RBFOX1: variants seen among roughly 807,000 people sequenced by gnomAD.
RBFOX1 encodes the protein RNA binding protein fox-1 homolog 1.
In RBFOX1, 8 loss-of-function variants were observed where a neutral mutation model predicts 57.7. The observed-to-expected ratio is 0.14, with a 90% CI of 0.08 to 0.25. RBFOX1 has a LOEUF of 0.25. Ranked by LOEUF, RBFOX1 falls within the 10% of genes least tolerant of loss-of-function variation. The pLI, the probability that RBFOX1 is intolerant of heterozygous loss-of-function variation, is 1.00. For synonymous variants in RBFOX1, 326 were observed against 222.4 expected (o/e 1.47, Z -4.15); for missense variants, 611 against 548.5 (o/e 1.11, Z -1.14).
intron 1 of RBFOX1, among the ~76,000 whole-genome samples, chr16:5,417,405 A>C (rs2067189978): frequency 6.6e-6 from 1 of 152,224 alleles, no homozygotes; most frequent in African/African-American, 2.4e-5. Context: ...CATTTCTTCC[A>C]CCGAGGGAGT....
At chr16:5,424,979 T>TTTCTTTCTTTCTTTTTTTCTTTC (rs769526087) in intron 1 of RBFOX1, among the ~76,000 whole-genome samples, 1 of 61,810 alleles carries the variant, frequency 1.6e-5, no homozygotes, top group Non-Finnish European at 2.9e-5. Flanking sequence ...TCTTTCTTTC[T>TTTCTTTCTTTCTTTTTTTCTTTC]TTTCTTTTCT....
chr16:6,612,667 C>G (rs1236319070), intron 2 of RBFOX1, among the ~76,000 whole-genome samples: 2 of 151,924 alleles, frequency 1.3e-5, no homozygotes, highest in Non-Finnish European at 2.9e-5. Flanking sequence ...GCCTGGCCAA[C>G]ATGACAAAAC....
intron 2 of RBFOX1, among the ~76,000 whole-genome samples, chr16:6,386,741 G>A (rs550015495): frequency 6.6e-6 from 1 of 152,156 alleles, no homozygotes; most frequent in Admixed American, 6.5e-5. Flanking sequence ...ACGGTAAATG[G>A]AATAGTTTAG....
chr16:7,419,209 C>T (rs1012769784), intron 4 of RBFOX1, among the ~76,000 whole-genome samples: 7 of 152,122 alleles, frequency 4.6e-5, no homozygotes, highest in African/African-American at 7.2e-5. Context: ...CACCGTCCCC[C>T]ACCCCCAGCC....
chr16:6,926,663 CAT>C (rs1369709831), intron 3 of RBFOX1, among the ~76,000 whole-genome samples: 5 of 152,084 alleles, frequency 3.3e-5, no homozygotes, highest in African/African-American at 9.7e-5. Context: ...GCTGAGTAAA[CAT>C]ATGTGCATGG....
intron 1 of RBFOX1, among the ~76,000 whole-genome samples, chr16:5,351,994 C>G (rs1269748055): frequency 6.6e-6 from 1 of 152,080 alleles, no homozygotes; most frequent in Non-Finnish European, 1.5e-5. Context: ...TTAGTGGAGA[C>G]AGGGTTTCAC....
At chr16:6,575,596 G>C (rs937238574) in intron 2 of RBFOX1, among the ~76,000 whole-genome samples, 3 of 152,198 alleles carry the variant, frequency 2.0e-5, no homozygotes, top group East Asian at 3.9e-4. Context: ...GGTGGCTCAT[G>C]CCTGTAATCC....
chr16:6,408,072 C>T (rs2093346563), intron 2 of RBFOX1, among the ~76,000 whole-genome samples: 1 of 152,098 alleles, frequency 6.6e-6, no homozygotes, highest in African/African-American at 2.4e-5. Flanking sequence ...ACAGAAGGCA[C>T]CATCTATAAG....
At chr16:6,110,890 CT>C (rs1257394581) in intron 1 of RBFOX1, among the ~76,000 whole-genome samples, 1 of 152,206 alleles carries the variant, frequency 6.6e-6, no homozygotes, top group African/African-American at 2.4e-5. Context: ...AAAGAATTAC[CT>C]GGCTCAAAAT....
chr16:6,303,206 A>C (rs2079028466), intron 1 of RBFOX1, among the ~76,000 whole-genome samples: 1 of 152,220 alleles, frequency 6.6e-6, no homozygotes, highest in Non-Finnish European at 1.5e-5. Context: ...TCTCTGAAGA[A>C]AATATGATGT....
chr16:6,892,335 AGG>A (rs1425128631), intron 3 of RBFOX1, among the ~76,000 whole-genome samples: 2 of 152,180 alleles, frequency 1.3e-5, no homozygotes, highest in Non-Finnish European at 2.9e-5. Flanking sequence ...TCATTTGAAA[AGG>A]GGGTTATTTT....
At chr16:6,821,116 A>G (rs532486036) in intron 3 of RBFOX1, among the ~76,000 whole-genome samples, 1 of 152,202 alleles carries the variant, frequency 6.6e-6, no homozygotes, top group African/African-American at 2.4e-5. Flanking sequence ...ACCATTAAAA[A>G]ACAATAGTGA....
intron 4 of RBFOX1, among the ~76,000 whole-genome samples, chr16:7,311,468 T>A (rs1480366534): frequency 7.1e-6 from 1 of 140,070 alleles, no homozygotes; most frequent in East Asian, 2.2e-4. Context: ...TTAGTCTTGA[T>A]GAGCCTTTTC....
At chr16:6,444,813 T>G (rs1338441730) in intron 2 of RBFOX1, among the ~76,000 whole-genome samples, 1 of 152,044 alleles carries the variant, frequency 6.6e-6, no homozygotes, top group Non-Finnish European at 1.5e-5. Flanking sequence ...GTGGGTAAAA[T>G]GCAGAGATGA....
At chr16:5,578,893 A>G (rs7204168) in intron 2 of RBFOX1, among the ~76,000 whole-genome samples, 130,344 of 144,924 alleles carry the variant, frequency 0.9, 58,637 homozygotes, top group East Asian at 1. Flanking sequence ...TGTCGCCCAG[A>G]CTGGAGTGCA....
chr16:5,576,213 C>T (rs1240400657), intron 2 of RBFOX1, among the ~76,000 whole-genome samples: 1 of 152,138 alleles, frequency 6.6e-6, no homozygotes, highest in Non-Finnish European at 1.5e-5. Context: ...TCTCAAACTC[C>T]TGACCTCAAG....
At chr16:5,512,134 A>C (rs1258701192) in intron 2 of RBFOX1, among the ~76,000 whole-genome samples, 1 of 152,172 alleles carries the variant, frequency 6.6e-6, no homozygotes, top group Non-Finnish European at 1.5e-5. Context: ...TGCTTCTGCT[A>C]AGTGGTGGAG....
At chr16:6,968,402 T>G (rs930603448) in intron 3 of RBFOX1, among the ~76,000 whole-genome samples, 1 of 152,196 alleles carries the variant, frequency 6.6e-6, no homozygotes, top group Non-Finnish European at 1.5e-5. Flanking sequence ...TAATACTGTC[T>G]TTTTTTCCTG....
chr16:6,799,165 G>A (rs1486063302), intron 3 of RBFOX1, among the ~76,000 whole-genome samples: 10 of 152,064 alleles, frequency 6.6e-5, no homozygotes. Context: ...CTTTGCTCAG[G>A]AAAGAATTCA....
Sources: gnomAD v4.1 joint callset for allele counts (sites outside exome capture counted in the v4.1 genomes callset) on GRCh38, gnomAD v4.1.1 for gene constraint, MANE v1.5 for transcripts, NCBI Gene and HGNC (gene_info 2026-07-23, HGNC 2026-07-21) for gene names.